IREB2: variants seen among roughly 807,000 people sequenced by gnomAD.
IREB2 encodes the protein iron responsive element binding protein 2, also known as iron-responsive element-binding protein 2.
IREB2 carries 39 observed loss-of-function variants against 118.8 expected under a neutral mutation model. The ratio of observed to expected loss-of-function variants is 0.33; its 90% confidence interval spans 0.25 to 0.43. The LOEUF (loss-of-function observed/expected upper bound fraction) is 0.43, where lower values mean the gene tolerates loss of function less well. Among genes scored for constraint, IREB2 ranks in the 20% least tolerant of loss-of-function variants. The pLI, the probability that IREB2 is intolerant of heterozygous loss-of-function variation, is 1.00. For synonymous variants in IREB2, 372 were observed against 392.2 expected (o/e 0.95, Z 0.61); for missense variants, 900 against 1,147.3 (o/e 0.78, Z 3.11).
At chr15:78,440,923 G>A (rs1351835511) in intron 2 of IREB2, among the ~76,000 whole-genome samples, 2 of 152,100 alleles carry the variant, frequency 1.3e-5, no homozygotes, top group African/African-American at 4.8e-5. Context: ...TAACAGTTGA[G>A]TAACTTTCTC....
At chr15:78,467,079 G>A (rs966494825) in intron 5 of IREB2, among the ~76,000 whole-genome samples, 13 of 151,754 alleles carry the variant, frequency 8.6e-5, no homozygotes, top group South Asian at 2.1e-4. Context: ...GTGTGGTGTC[G>A]CGCCCCTGTG....
intron 9 of IREB2, among the ~76,000 whole-genome samples, chr15:78,477,323 TG>T: frequency 6.6e-6 from 1 of 152,258 alleles, no homozygotes; most frequent in East Asian, 1.9e-4. Context: ...CAGGGCACAG[TG>T]GGGACAGCTC....
At chr15:78,442,863 A>T (rs1289937250) in intron 2 of IREB2, among the ~76,000 whole-genome samples, 1 of 152,230 alleles carries the variant, frequency 6.6e-6, no homozygotes, top group Non-Finnish European at 1.5e-5. Context: ...ATAACTGTAC[A>T]GAGTACATGT....
intron 2 of IREB2, among the ~76,000 whole-genome samples, chr15:78,458,088 A>G (rs756713823): frequency 2.0e-5 from 3 of 152,136 alleles, no homozygotes; most frequent in Non-Finnish European, 2.9e-5. Flanking sequence ...GTCCCATTTT[A>G]GTGAGAAAAT....
intron 2 of IREB2, among the ~76,000 whole-genome samples, chr15:78,445,058 G>A (rs954842149): frequency 1.1e-4 from 16 of 151,792 alleles, no homozygotes; most frequent in African/African-American, 3.6e-4. Flanking sequence ...TTGTTGGATT[G>A]AAAGTATGTT....
At chr15:78,455,004 T>C (rs1249691878) in intron 2 of IREB2, among the ~76,000 whole-genome samples, 2 of 151,834 alleles carry the variant, frequency 1.3e-5, no homozygotes, top group Non-Finnish European at 2.9e-5. Context: ...AAGTTAGTTT[T>C]AAAAAAGAGA....
chr15:78,457,058 T>G (rs1380249804), intron 2 of IREB2, among the ~76,000 whole-genome samples: 1 of 152,252 alleles, frequency 6.6e-6, no homozygotes, highest in Non-Finnish European at 1.5e-5. Context: ...CCAATCCTTG[T>G]AGTAATGATG....
chr15:78,476,167 T>TC (rs765964973), intron 8 of IREB2, 21 bp from the exon 9 acceptor site: 4 of 1,526,136 alleles, frequency 2.6e-6, no homozygotes, highest in Non-Finnish European at 3.6e-6. Context: ...TTGTATGTGT[T>TC]TCTGTGTATT....
rs3215140 is a variant in IREB2 at position 78,498,393 on chromosome 15, TG to T, written c.*260del. On this transcript the variant is annotated 3_prime_UTR_variant, in exon 22 of 22. Coordinates refer to ENST00000258886, the MANE Select transcript of IREB2 (RefSeq NM_004136.4). The stretch of plus-strand genomic sequence containing the variant: ...GTGTTGTGGAAGAGACCTGTAAGTA[TG>T]GGGGGGGGGCGATATTTTATCAGAC... 161,868 of 194,260 alleles carry T rather than the reference TG, an allele frequency of 0.83. 67,980 individuals carry two copies. The highest frequency in any genetic ancestry group is 0.9 in the East Asian group (7,957 of 8,808). The allele number at this position is 194,260 out of a possible 1,614,324, so 12.0% of individuals were successfully genotyped here. A position where few individuals can be genotyped will look rare whatever the true frequency, so the allele number is the denominator to read the frequency against.
At position 78,501,271 on chromosome 15, in the gene IREB2, CTAAG is replaced by C. The variant is rs1249394927; in HGVS notation, c.*3132_*3135del. 2.6e-5 allele frequency: 4 copies of C among 152,454 alleles called. No individual in the cohort carries two copies. The highest frequency in any genetic ancestry group is 9.7e-5 in the African/African-American group (4 of 41,390). The allele number at this position is 152,454 out of a possible 1,614,324, so 9.4% of individuals were successfully genotyped here. A position where few individuals can be genotyped will look rare whatever the true frequency, so the allele number is the denominator to read the frequency against. On this transcript the variant is annotated 3_prime_UTR_variant, in exon 22 of 22. Coordinates refer to ENST00000258886, the MANE Select transcript of IREB2 (RefSeq NM_004136.4). ...AACAAAGTAATCACTTTGTCTATCA[CTAAG>C]TAATAGACAAAAATCATTGTCTATT... is the stretch of plus-strand genomic sequence containing the variant.
In IREB2 at chr15:78,484,801, A is replaced by C; in HGVS notation, c.1454A>C (p.Lys485Thr). 1 of 1,613,638 alleles carries C rather than the reference A, an allele frequency of 6.2e-7. No individual in the cohort carries two copies. Among genetic ancestry groups the C allele is most frequent in the South Asian group, 1.1e-5 (1 of 91,044 alleles). Reference sequence around the variant, plus strand: ...TTCCAAATTGCAGCTGAAAAACAAAAGGATATTGTCTCCATTCATTATGAA... The same window carrying C: ...TTCCAAATTGCAGCTGAAAAACAAACGGATATTGTCTCCATTCATTATGAA... Reference protein sequence around the residue: ...KGFQIAAEKQKDIVSIHYEGS... With the variant: ...KGFQIAAEKQTDIVSIHYEGS... Residue 485 changes from lysine (K) to threonine (T), a missense_variant, in exon 12 of 22, where the codon AAG (lysine) becomes ACG (threonine). Lys to Thr is a moderately conservative substitution (Grantham distance 78). Coordinates refer to ENST00000258886, the MANE Select transcript of IREB2 (RefSeq NM_004136.4).
chr15:78,493,307 A>G (rs1377206981), intron 18 of IREB2, among the ~76,000 whole-genome samples: 2 of 152,188 alleles, frequency 1.3e-5, no homozygotes. Flanking sequence ...AAATCCACAC[A>G]TACTGAATTC....
intron 2 of IREB2, among the ~76,000 whole-genome samples, chr15:78,456,237 T>C (rs2051103208): frequency 2.0e-5 from 3 of 152,176 alleles, no homozygotes; most frequent in Admixed American, 6.5e-5. Flanking sequence ...AAATTTTGTT[T>C]TTGTTTTGAG....
intron 20 of IREB2, among the ~76,000 whole-genome samples, chr15:78,496,166 T>C (rs921729548): frequency 4.6e-5 from 7 of 152,254 alleles, no homozygotes; most frequent in Non-Finnish European, 8.8e-5. Flanking sequence ...CAGCATTGTC[T>C]TCTAAATCAC....
At chr15:78,470,098 G>T (rs925560402) in intron 5 of IREB2, among the ~76,000 whole-genome samples, 1 of 152,192 alleles carries the variant, frequency 6.6e-6, no homozygotes, top group East Asian at 1.9e-4. Flanking sequence ...ACTGTAAAAT[G>T]ATGTTGAGAT....
At chr15:78,438,032 G>A, upstream of IREB2, 4 of 445,736 alleles carry the variant, frequency 9.0e-6, no homozygotes, top group Admixed American at 3.7e-5. Flanking sequence ...GCCCCCACTG[G>A]AGCCTCCCCA....
intron 2 of IREB2, among the ~76,000 whole-genome samples, chr15:78,456,027 GTAATC>G (rs1368039347): frequency 6.6e-6 from 1 of 152,110 alleles, no homozygotes; most frequent in Non-Finnish European, 1.5e-5. Flanking sequence ...TTTTCACCGA[GTAATC>G]TAAGAGAGGA....
chr15:78,456,710 A>G (rs889814972), intron 2 of IREB2, among the ~76,000 whole-genome samples: 2 of 151,628 alleles, frequency 1.3e-5, no homozygotes, highest in African/African-American at 2.4e-5. Flanking sequence ...TTCTCGTAGC[A>G]CTCTTATTTG....
intron 2 of IREB2, among the ~76,000 whole-genome samples, chr15:78,456,585 G>A (rs575599301): frequency 6.6e-6 from 1 of 151,632 alleles, no homozygotes; most frequent in Admixed American, 6.6e-5. Flanking sequence ...AGGATTGCCC[G>A]AGCCCAGGAG....
Sources: allele counts gnomAD v4.1 joint callset (sites outside exome capture counted in the v4.1 genomes callset), GRCh38; gene constraint gnomAD v4.1.1; transcripts MANE v1.5; gene names NCBI Gene and HGNC (gene_info 2026-07-23, HGNC 2026-07-21).